CNTN5: variants seen among roughly 807,000 people sequenced by gnomAD.
The protein encoded by CNTN5 is contactin 5.
Under a neutral mutation model 129.1 loss-of-function variants are expected in CNTN5, and 77 were observed. That is an observed-to-expected ratio of 0.60 (90% CI 0.50 to 0.72). The LOEUF is 0.72. Ranked by LOEUF, CNTN5 falls within the 30% of genes least tolerant of loss-of-function variation. The probability of loss-of-function intolerance (pLI) is 0.00; values close to 1 mark genes in which losing one functional copy is unlikely to be tolerated. For synonymous variants in CNTN5, 509 were observed against 465.6 expected, an observed-to-expected ratio of 1.09 and a Z score of -1.20; for missense variants, 1,478 against 1,328.8, an observed-to-expected ratio of 1.11 and a Z score of -1.75.
chr11:99,193,028 T>G (rs771226134), intron 1 of CNTN5, among the ~76,000 whole-genome samples: 21 of 152,160 alleles, frequency 1.4e-4, no homozygotes, highest in Non-Finnish European at 1.8e-4. Context: ...TCAAGATCTA[T>G]TCAAAGCTAA....
chr11:100,198,824 G>C (rs2138538696), intron 15 of CNTN5, among the ~76,000 whole-genome samples: 1 of 151,980 alleles, frequency 6.6e-6, no homozygotes, highest in South Asian at 2.1e-4. Context: ...CAGAATTTTT[G>C]TGGAATATTA....
chr11:99,588,717 G>T (rs1330949034), intron 3 of CNTN5, among the ~76,000 whole-genome samples: 1 of 152,140 alleles, frequency 6.6e-6, no homozygotes, highest in Non-Finnish European at 1.5e-5. Context: ...GCTAACATCT[G>T]ACCTGTATTT....
rs573796890 is a variant in CNTN5 at position 100,218,474 on chromosome 11, A to G, written c.1885-6218A>G. 5.3e-5 allele frequency among the ~76,000 whole-genome samples: 8 copies of G among 152,356 alleles called. No homozygotes were observed. The East Asian group carries it at 7.7e-4, about 15-fold the overall frequency. On this transcript the variant is annotated intron_variant, in intron 15 of 24. Coordinates refer to ENST00000524871, the MANE Select transcript of CNTN5 (RefSeq NM_014361.4). The stretch of plus-strand genomic sequence containing the variant: ...TTTCAGAAGACCACAGGAAATATCA[A>G]TGTGGATTGGAGTGGTGAGCAGGAC...
At chr11:99,757,003 C>CAT (rs1565495733) in intron 3 of CNTN5, among the ~76,000 whole-genome samples, 1 of 150,676 alleles carries the variant, frequency 6.6e-6, no homozygotes, top group Non-Finnish European at 1.5e-5. Context: ...ATACATGTGT[C>CAT]ATATATATCA....
chr11:99,483,093 G>A (rs1176049966), intron 2 of CNTN5, among the ~76,000 whole-genome samples: 2 of 149,092 alleles, frequency 1.3e-5, no homozygotes, highest in Non-Finnish European at 3.0e-5. Flanking sequence ...GGAGAATGGC[G>A]TGAACCCGGG....
At chr11:99,234,268 G>A (rs1400156746) in intron 1 of CNTN5, among the ~76,000 whole-genome samples, 2 of 152,062 alleles carry the variant, frequency 1.3e-5, no homozygotes, top group East Asian at 1.9e-4. Context: ...GGACGGGGAC[G>A]GGGGATGAAG....
At chr11:99,133,055 G>C (rs912993749) in intron 1 of CNTN5, among the ~76,000 whole-genome samples, 1 of 152,106 alleles carries the variant, frequency 6.6e-6, no homozygotes, top group African/African-American at 2.4e-5. Flanking sequence ...TACAAAAACA[G>C]ACACATAGAC....
chr11:100,318,642 A>G (rs1049424896), intron 21 of CNTN5, among the ~76,000 whole-genome samples: 1 of 152,206 alleles, frequency 6.6e-6, no homozygotes, highest in Non-Finnish European at 1.5e-5. Flanking sequence ...CCCATTTAAA[A>G]ATTTCTAAAT....
In CNTN5 at chr11:99,123,402, T is replaced by A. The variant is rs534862741; in HGVS notation, c.-210+102132T>A. On this transcript the variant is annotated intron_variant, in intron 1 of 24. Transcript: ENST00000524871. ...CACTTATTAATGGGTTTGTTTGTTT[T>A]TTGCTTGTACATTTATTTATTATAG... Among the ~76,000 whole-genome samples the A allele has an allele frequency of 4.6e-5, 7 of 152,244 alleles. No homozygotes were observed. The East Asian group carries it at 1.4e-3, about 29-fold the overall frequency.
intron 4 of CNTN5, among the ~76,000 whole-genome samples, chr11:99,822,874 A>G (rs2135570856): frequency 6.6e-6 from 1 of 152,358 alleles, no homozygotes; most frequent in Admixed American, 6.5e-5. Context: ...AATGGGTTAC[A>G]AAAGCCACTG....
intron 2 of CNTN5, among the ~76,000 whole-genome samples, chr11:99,535,076 G>T (rs1353147684): frequency 6.6e-6 from 1 of 152,170 alleles, no homozygotes. Context: ...GAAGAATATA[G>T]TCTGCACTAA....
Position 100,311,737 on chromosome 11 carries a change from C to T in CNTN5, c.2730+3269C>T, listed in dbSNP as rs540161647. The stretch of plus-strand genomic sequence containing the variant: ...TGCTGGGGAATTCAGAAAGATGAGA[C>T]CTGAGATTGCCAGATGGATTCAGCA... On this transcript the variant is annotated intron_variant, in intron 21 of 24. Transcript: ENST00000524871. Among the ~76,000 whole-genome samples, 41 of 151,990 alleles carry T rather than the reference C, an allele frequency of 2.7e-4. No individual in the cohort carries two copies. The East Asian group carries it at 6.6e-3, about 25-fold the overall frequency.
intron 21 of CNTN5, among the ~76,000 whole-genome samples, chr11:100,334,126 A>T (rs1333105594): frequency 6.6e-6 from 1 of 152,188 alleles, no homozygotes; most frequent in Non-Finnish European, 1.5e-5. Context: ...AAAGAACATG[A>T]ATAAACAATT....
chr11:99,883,344 G>C (rs542410058), intron 6 of CNTN5, among the ~76,000 whole-genome samples: 38 of 152,246 alleles, frequency 2.5e-4, no homozygotes, highest in African/African-American at 8.9e-4. Flanking sequence ...CAGTGTATGA[G>C]GGTCCCCTTT....
chr11:99,472,663 C>T lies in CNTN5; in HGVS notation c.-70-83482C>T, dbSNP rs148208667. ...ATACATGCATTAGCATATTTCTTTCCTTCTTTCTTTTTTTTCTTTTCTTGA... is the reference window on the plus strand; with the variant it reads ...ATACATGCATTAGCATATTTCTTTCTTTCTTTCTTTTTTTTCTTTTCTTGA... On this transcript the variant is annotated intron_variant, in intron 2 of 24. Transcript: ENST00000524871. 3.8e-3 allele frequency among the ~76,000 whole-genome samples: 583 copies of T among 152,026 alleles called. 2 individuals are homozygous for T. Among genetic ancestry groups the T allele is most frequent in the Non-Finnish European group, 7.3e-3 (497 of 67,950 alleles).
intron 16 of CNTN5, among the ~76,000 whole-genome samples, chr11:100,236,255 C>T (rs1403304620): frequency 1.3e-5 from 2 of 152,094 alleles, no homozygotes; most frequent in East Asian, 1.9e-4. Context: ...ATTGGGGCAG[C>T]GTTAAGTCCA....
At chr11:99,541,137 C>T (rs1948093316) in intron 2 of CNTN5, among the ~76,000 whole-genome samples, 1 of 152,158 alleles carries the variant, frequency 6.6e-6, no homozygotes, top group Non-Finnish European at 1.5e-5. Context: ...CTCTGCCCTA[C>T]TCTGGAAGAT....
chr11:99,082,048 A>C (rs1025269224), intron 1 of CNTN5, among the ~76,000 whole-genome samples: 2 of 152,200 alleles, frequency 1.3e-5, no homozygotes, highest in Admixed American at 6.5e-5. Context: ...TCATTTCTGT[A>C]TGTAGATGCT....
rs941287506 is a variant in CNTN5 at position 100,193,714 on chromosome 11, G to C, written c.1884+51G>C. 5.9e-6 allele frequency: 9 copies of C among 1,517,196 alleles called. No individual in the cohort carries two copies. The African/African-American group carries it at 1.1e-4, about 19-fold the overall frequency. 94.0% of individuals were successfully genotyped at this position (1,517,196 alleles called of 1,614,324 possible). A position where few individuals can be genotyped will look rare whatever the true frequency, so the allele number is the denominator to read the frequency against. ...TAGTAATGATAACTTTAGAAATTTT[G>C]AATCAAATGTAAGACCTTGCTTAGC... On this transcript the variant is annotated intron_variant, in intron 15 of 24. Transcript: ENST00000524871.
Sources: allele counts gnomAD v4.1 joint callset (sites outside exome capture counted in the v4.1 genomes callset), GRCh38; gene constraint gnomAD v4.1.1; transcripts MANE v1.5; gene names NCBI Gene and HGNC (gene_info 2026-07-23, HGNC 2026-07-21).